Variants in GALNT1 observed in about 807,000 individuals in gnomAD.
GALNT1 encodes GalNAc transferase 1.
GALNT1 carries 17 observed loss-of-function variants against 65.7 expected under a neutral mutation model. The observed-to-expected ratio is 0.26, with a 90% CI of 0.18 to 0.39. The LOEUF is 0.39. GALNT1 is among the 10% of genes least tolerant of loss of function. The pLI is 1.00. For synonymous variants in GALNT1, 210 were observed against 219.7 expected (o/e 0.96, Z 0.39); for missense variants, 460 against 672.8 (o/e 0.68, Z 3.50).
intron 1 of GALNT1, among the ~76,000 whole-genome samples, chr18:35,588,501 C>T (rs193078746): frequency 1.3e-3 from 200 of 152,244 alleles, no homozygotes; most frequent in Non-Finnish European, 2.3e-3. Context: ...AAGTTTTCAC[C>T]ATTACTTTTT....
chr18:35,673,645 C>T (rs1336981486), intron 3 of GALNT1, among the ~76,000 whole-genome samples: 1 of 152,114 alleles, frequency 6.6e-6, no homozygotes, highest in African/African-American at 2.4e-5. Flanking sequence ...ACTTTGTTGC[C>T]CAGGCTGGTC....
intron 1 of GALNT1, among the ~76,000 whole-genome samples, chr18:35,634,835 A>C (rs1211811664): frequency 6.6e-6 from 1 of 152,230 alleles, no homozygotes; most frequent in African/African-American, 2.4e-5. Context: ...TAAAGTTTCC[A>C]CATGCCAGCC....
intron 1 of GALNT1, among the ~76,000 whole-genome samples, chr18:35,613,860 T>C (rs1162969651): frequency 6.8e-6 from 1 of 147,648 alleles, no homozygotes; most frequent in African/African-American, 2.6e-5. Context: ...AAGTTCATAC[T>C]ACCTTAATGG....
At chr18:35,683,130 A>C (rs903748328) in intron 4 of GALNT1, among the ~76,000 whole-genome samples, 1 of 152,160 alleles carries the variant, frequency 6.6e-6, no homozygotes, top group Non-Finnish European at 1.5e-5. Flanking sequence ...TTAGCGAAAC[A>C]TAGGAGCATT....
At chr18:35,656,251 G>C (rs1450072976) in intron 2 of GALNT1, among the ~76,000 whole-genome samples, 2 of 152,204 alleles carry the variant, frequency 1.3e-5, no homozygotes, top group African/African-American at 4.8e-5. Flanking sequence ...AGGCTCTATA[G>C]CATGTGTAGA....
chr18:35,615,390 T>C (rs2046770664), intron 1 of GALNT1, among the ~76,000 whole-genome samples: 1 of 142,004 alleles, frequency 7.0e-6, no homozygotes, highest in South Asian at 2.1e-4. Flanking sequence ...TTTTAAAAAA[T>C]GGTTTTTACT....
chr18:35,706,089 G>A (rs2048253619), intron 11 of GALNT1, among the ~76,000 whole-genome samples: 1 of 152,242 alleles, frequency 6.6e-6, no homozygotes, highest in South Asian at 2.1e-4. Flanking sequence ...AGTCGTTAGA[G>A]TGTGAGATGG....
intron 1 of GALNT1, among the ~76,000 whole-genome samples, chr18:35,609,275 T>A (rs1352837792): frequency 6.6e-6 from 1 of 152,186 alleles, no homozygotes; most frequent in African/African-American, 2.4e-5. Context: ...TAAGCTTTGA[T>A]TGAAATGGAA....
Position 35,613,890 on chromosome 18 carries a change from C to G in GALNT1, c.-104+32028C>G, listed in dbSNP as rs144504822. On this transcript the variant is annotated intron_variant, in intron 1 of 11. Transcript: ENST00000269195. ...TAATGGTGGGGGAAAAAAAAACAAC[C>G]AAGCCAAGAATTTAGTGAAAAGTAG... 5.3e-5 allele frequency among the ~76,000 whole-genome samples: 8 copies of G among 151,838 alleles called. No homozygotes were observed. The East Asian group carries it at 1.5e-3, about 29-fold the overall frequency.
intron 1 of GALNT1, among the ~76,000 whole-genome samples, chr18:35,618,655 GT>G (rs532150136): frequency 0.011 from 1,691 of 149,876 alleles, 29 homozygotes; most frequent in African/African-American, 0.038. Context: ...TTATTTCAGA[GT>G]TTTTTTTTTC....
intron 1 of GALNT1, among the ~76,000 whole-genome samples, chr18:35,618,646 T>C (rs990178417): frequency 6.6e-5 from 10 of 152,134 alleles, no homozygotes; most frequent in Non-Finnish European, 1.5e-4. Context: ...ATAGCAGGTT[T>C]ATTTCAGAGT....
chr18:35,631,384 A>G (rs2047006927), intron 1 of GALNT1, among the ~76,000 whole-genome samples: 1 of 152,214 alleles, frequency 6.6e-6, no homozygotes, highest in African/African-American at 2.4e-5. Context: ...CATCCCTGGG[A>G]TGCAAGGCTG....
chr18:35,665,001 TTCCAACTTA>T (rs1382240468), intron 3 of GALNT1, among the ~76,000 whole-genome samples: 1 of 152,194 alleles, frequency 6.6e-6, no homozygotes, highest in Non-Finnish European at 1.5e-5. Context: ...TTGGGAAAGT[TTCCAACTTA>T]ATGGCACAGC....
chr18:35,707,676 T>C (rs879604127), intron 11 of GALNT1, among the ~76,000 whole-genome samples: 8 of 152,242 alleles, frequency 5.3e-5, no homozygotes, highest in Admixed American at 1.3e-4. Context: ...TTTTAGAAAC[T>C]AGGTTAAGAG....
intron 2 of GALNT1, among the ~76,000 whole-genome samples, chr18:35,658,770 C>T (rs1016214753): frequency 6.6e-6 from 1 of 150,608 alleles, no homozygotes; most frequent in Non-Finnish European, 1.5e-5. Context: ...AGTGCAATGG[C>T]GTGATCTCAG....
rs149781742 is a variant in GALNT1, at chr18:35,669,518, G to A, written c.314+5716G>A. On this transcript the variant is annotated intron_variant, in intron 3 of 11. Coordinates refer to ENST00000269195, the MANE Select transcript of GALNT1 (RefSeq NM_020474.4). ...AATTGGTTTATTCCAGACATGTGAA[G>A]TTGGTTTAGGATTTGAAGATCATTT... Among the ~76,000 whole-genome samples, 470 of 152,322 alleles carry A rather than the reference G, an allele frequency of 3.1e-3. 5 individuals are homozygous for A. The highest frequency in any genetic ancestry group is 3.5e-3 in the Non-Finnish European group (241 of 68,028).
intron 4 of GALNT1, among the ~76,000 whole-genome samples, chr18:35,678,626 C>G (rs1350768019): frequency 6.6e-6 from 1 of 152,226 alleles, no homozygotes; most frequent in African/African-American, 2.4e-5. Context: ...TGTGTTCCAC[C>G]AATGTTCCTG....
intron 1 of GALNT1, among the ~76,000 whole-genome samples, chr18:35,587,544 T>C (rs1375485475): frequency 6.6e-6 from 1 of 152,172 alleles, no homozygotes; most frequent in East Asian, 1.9e-4. Flanking sequence ...TCCTGAGAGT[T>C]TTTATCATGA....
chr18:35,608,733 A>AGTATGGG (rs2046681299), intron 1 of GALNT1, among the ~76,000 whole-genome samples: 1 of 152,230 alleles, frequency 6.6e-6, no homozygotes, highest in Non-Finnish European at 1.5e-5. Context: ...AAAATAATAT[A>AGTATGGG]GTATGATAAA....
Sources: gnomAD v4.1 joint callset for allele counts (sites outside exome capture counted in the v4.1 genomes callset) on GRCh38, gnomAD v4.1.1 for gene constraint, MANE v1.5 for transcripts, NCBI Gene and HGNC (gene_info 2026-07-23, HGNC 2026-07-21) for gene names.